ERBB4: variants seen among roughly 807,000 people sequenced by gnomAD.
The protein encoded by ERBB4 is erb-b2 receptor tyrosine kinase 4.
ERBB4 carries 42 observed loss-of-function variants against 158.0 expected under a neutral mutation model. The observed-to-expected ratio is 0.27, with a 90% CI of 0.21 to 0.34. ERBB4 has a LOEUF of 0.34. ERBB4 is among the 10% of genes least tolerant of loss of function. ERBB4 has a pLI of 1.00. For missense variants in ERBB4, 1,333 were observed against 1,624.1 expected (o/e 0.82, Z 3.08); for synonymous variants, 583 against 558.7 (o/e 1.04, Z -0.61).
At chr2:211,444,109 T>G (rs990102441) in intron 20 of ERBB4, among the ~76,000 whole-genome samples, 1 of 148,460 alleles carries the variant, frequency 6.7e-6, no homozygotes, top group Non-Finnish European at 1.5e-5. Flanking sequence ...TTTGTGGGGT[T>G]TTTTTTGTAT....
At chr2:211,814,070 T>C (rs1457819753) in intron 3 of ERBB4, among the ~76,000 whole-genome samples, 4 of 152,110 alleles carry the variant, frequency 2.6e-5, no homozygotes, top group Admixed American at 2.6e-4. Context: ...TTTTAAAATA[T>C]GGGAATAATT....
Position 211,511,689 on chromosome 2 carries a change from A to G in ERBB4, c.2487+50214T>C, listed in dbSNP as rs1440533329. ...CAGAATCCATTGTTTAATTGTGATC[A>G]TATCAAAAAAGAATCCTTTCTAGAG... is the stretch of plus-strand genomic sequence containing the variant. On this transcript the variant is annotated intron_variant, in intron 20 of 27. Coordinates refer to ENST00000342788, the MANE Select transcript of ERBB4 (RefSeq NM_005235.3). Among the ~76,000 whole-genome samples, 3 of 152,124 alleles carry G rather than the reference A, an allele frequency of 2.0e-5. 1 individual carries two copies. The highest frequency in any genetic ancestry group is 4.4e-5 in the Non-Finnish European group (3 of 68,008).
intron 2 of ERBB4, among the ~76,000 whole-genome samples, chr2:212,030,858 T>C (rs541189921): frequency 1.3e-5 from 2 of 152,176 alleles, no homozygotes; most frequent in East Asian, 3.9e-4. Flanking sequence ...TAGTTTGAAA[T>C]TGAGCCAGCC....
intron 19 of ERBB4, among the ~76,000 whole-genome samples, chr2:211,611,219 T>C (rs187342230): frequency 6.6e-6 from 1 of 151,940 alleles, no homozygotes; most frequent in African/African-American, 2.4e-5. Flanking sequence ...ACCAATCATA[T>C]AGGGAGTTTA....
intron 4 of ERBB4, among the ~76,000 whole-genome samples, chr2:211,770,213 G>T (rs1361982173): frequency 6.6e-6 from 1 of 152,136 alleles, no homozygotes; most frequent in Non-Finnish European, 1.5e-5. Context: ...TCACATTAAT[G>T]TTCCTTGCTT....
At chr2:211,982,430 T>C (rs948061928) in intron 2 of ERBB4, among the ~76,000 whole-genome samples, 1 of 152,152 alleles carries the variant, frequency 6.6e-6, no homozygotes, top group Non-Finnish European at 1.5e-5. Flanking sequence ...AAAAAGGGGA[T>C]AACAAGTGTT....
chr2:212,190,022 G>A (rs1262356261), intron 1 of ERBB4, among the ~76,000 whole-genome samples: 1 of 152,074 alleles, frequency 6.6e-6, no homozygotes, highest in Non-Finnish European at 1.5e-5. Flanking sequence ...TACTTTACCA[G>A]ACATAATGAA....
intron 2 of ERBB4, among the ~76,000 whole-genome samples, chr2:212,070,924 T>G (rs1389383289): frequency 1.3e-5 from 2 of 151,992 alleles, no homozygotes; most frequent in Admixed American, 1.3e-4. Context: ...CGGGAACACA[T>G]TATTTTCATT....
At chr2:212,416,810 A>G (rs2091665177) in intron 1 of ERBB4, among the ~76,000 whole-genome samples, 1 of 152,042 alleles carries the variant, frequency 6.6e-6, no homozygotes, top group South Asian at 2.1e-4. Flanking sequence ...CTTATTGGCA[A>G]GTTTTATTCA....
chr2:211,944,534 A>T (rs2080623802), intron 3 of ERBB4, among the ~76,000 whole-genome samples: 1 of 151,998 alleles, frequency 6.6e-6, no homozygotes, highest in South Asian at 2.1e-4. Context: ...TCACCCGAAC[A>T]TGCAGTGTAT....
At chr2:211,980,858 T>C (rs531721094) in intron 2 of ERBB4, among the ~76,000 whole-genome samples, 2 of 152,134 alleles carry the variant, frequency 1.3e-5, no homozygotes, top group Non-Finnish European at 2.9e-5. Flanking sequence ...CCATATTTCA[T>C]ATGGCCTTCT....
At chr2:212,483,224 C>T (rs577348026) in intron 1 of ERBB4, among the ~76,000 whole-genome samples, 47 of 152,160 alleles carry the variant, frequency 3.1e-4, no homozygotes, top group Non-Finnish European at 3.5e-4. Flanking sequence ...AGATGACTGA[C>T]GTGATGCTCT....
chr2:212,295,111 G>A (rs1400472454), intron 1 of ERBB4, among the ~76,000 whole-genome samples: 3 of 152,082 alleles, frequency 2.0e-5, no homozygotes, highest in African/African-American at 4.8e-5. Flanking sequence ...GTTTGTAATC[G>A]AGCTATAAAT....
chr2:211,678,406 G>T (rs1021365417), intron 13 of ERBB4, among the ~76,000 whole-genome samples: 6 of 151,544 alleles, frequency 4.0e-5, no homozygotes, highest in Admixed American at 1.3e-4. Flanking sequence ...TGGGATACAT[G>T]GAGAGGAAGA....
At chr2:212,168,850 T>C (rs1284560030) in intron 1 of ERBB4, among the ~76,000 whole-genome samples, 1 of 152,174 alleles carries the variant, frequency 6.6e-6, no homozygotes, top group East Asian at 1.9e-4. Flanking sequence ...ATGATAGAGT[T>C]GAGGTTGGAA....
At chr2:212,468,493 C>T (rs917714430) in intron 1 of ERBB4, among the ~76,000 whole-genome samples, 4 of 152,160 alleles carry the variant, frequency 2.6e-5, no homozygotes, top group Admixed American at 1.3e-4. Context: ...CTTAGCCTGC[C>T]GCCATCCACA....
At chr2:211,864,195 T>C (rs2078144502) in intron 3 of ERBB4, among the ~76,000 whole-genome samples, 1 of 152,332 alleles carries the variant, frequency 6.6e-6, no homozygotes, top group East Asian at 1.9e-4. Flanking sequence ...TGGCCCTTTT[T>C]CCCACCTCTC....
chr2:212,235,649 C>G (rs896316386), intron 1 of ERBB4, among the ~76,000 whole-genome samples: 2 of 152,114 alleles, frequency 1.3e-5, no homozygotes, highest in East Asian at 1.9e-4. Flanking sequence ...TTTCCTTAAA[C>G]AGTGGTTTGT....
intron 2 of ERBB4, among the ~76,000 whole-genome samples, chr2:212,022,169 A>G (rs1428953502): frequency 6.6e-6 from 1 of 151,684 alleles, no homozygotes; most frequent in Non-Finnish European, 1.5e-5. Context: ...TGACTCAGCA[A>G]TTCCATTACT....
Sources: gnomAD v4.1 joint callset for allele counts (sites outside exome capture counted in the v4.1 genomes callset) on GRCh38, gnomAD v4.1.1 for gene constraint, MANE v1.5 for transcripts, NCBI Gene and HGNC (gene_info 2026-07-23, HGNC 2026-07-21) for gene names.